Variants in PIWIL3 observed in about 807,000 individuals in gnomAD.
The protein encoded by PIWIL3 is piwi like RNA-mediated gene silencing 3, also known as piwi-like protein 3.
PIWIL3 carries 101 observed loss-of-function variants against 109.7 expected under a neutral mutation model. That is an observed-to-expected ratio of 0.92 (90% CI 0.78 to 1.09). PIWIL3 has a LOEUF of 1.09. Ranked by LOEUF, PIWIL3 falls within the 50% of genes least tolerant of loss-of-function variation. The probability of loss-of-function intolerance (pLI) is 0.00; values close to 1 mark genes in which losing one functional copy is unlikely to be tolerated. For missense variants in PIWIL3, 1,031 were observed against 1,072.6 expected (o/e 0.96, Z 0.54); for synonymous variants, 373 against 376.4 (o/e 0.99, Z 0.10).
chr22:24,771,661 T>C (rs1569115586), intron 1 of PIWIL3, among the ~76,000 whole-genome samples: 1 of 152,212 alleles, frequency 6.6e-6, no homozygotes, highest in African/African-American at 2.4e-5. Context: ...ATTTCAAAAG[T>C]TGCTATTCTA....
chr22:24,719,666 G>A (rs935083214), intron 20 of PIWIL3, 78 bp from the exon 21 acceptor site: 1 of 1,532,716 alleles, frequency 6.5e-7, no homozygotes, highest in South Asian at 1.2e-5. Flanking sequence ...ATTCATAGAA[G>A]CCAGTTCAGA....
At chr22:24,762,215 G>A in intron 2 of PIWIL3, 183 bp downstream of exon 2, 1 of 1,109,280 alleles carries the variant, frequency 9.0e-7, no homozygotes, top group Non-Finnish European at 1.2e-6. Flanking sequence ...GCAGTGGAGA[G>A]TACATCTGAG....
intron 9 of PIWIL3, among the ~76,000 whole-genome samples, chr22:24,750,663 T>A (rs1056315691): frequency 6.6e-6 from 1 of 150,618 alleles, no homozygotes; most frequent in Non-Finnish European, 1.5e-5. Flanking sequence ...TAATTTTGTA[T>A]TTTTAGTAGA....
At chr22:24,740,729 C>T (rs1489874983) in intron 12 of PIWIL3, among the ~76,000 whole-genome samples, 1 of 151,888 alleles carries the variant, frequency 6.6e-6, no homozygotes, top group East Asian at 1.9e-4. Context: ...GAAACAAACT[C>T]TGAACAGGCC....
chr22:24,772,952 C>G (rs955803458), intron 1 of PIWIL3, among the ~76,000 whole-genome samples: 3 of 152,208 alleles, frequency 2.0e-5, no homozygotes, highest in African/African-American at 7.2e-5. Flanking sequence ...CCTCCCCAGG[C>G]CTCCCTGGGT....
At chr22:24,756,423 G>A in intron 5 of PIWIL3, 68 bp downstream of exon 5, 1 of 1,418,642 alleles carries the variant, frequency 7.0e-7, no homozygotes, top group Non-Finnish European at 9.7e-7. Flanking sequence ...AAAACAATAG[G>A]TGTTTTATTA....
chr22:24,762,107 A>G, intron 2 of PIWIL3: 1 of 928,406 alleles, frequency 1.1e-6, no homozygotes, highest in Non-Finnish European at 1.4e-6. Context: ...TCACTTCCAA[A>G]GAGGAGTCAT....
chr22:24,756,843 G>GC (rs1359335500), intron 4 of PIWIL3, 138 bp from the exon 5 acceptor site: 6 of 704,382 alleles, frequency 8.5e-6, no homozygotes, highest in Non-Finnish European at 1.4e-5. Context: ...ACTCTGGGAG[G>GC]CCAAGGCGGG....
intron 1 of PIWIL3, among the ~76,000 whole-genome samples, chr22:24,770,924 G>A (rs1926102263): frequency 6.6e-6 from 1 of 151,698 alleles, no homozygotes; most frequent in Non-Finnish European, 1.5e-5. Context: ...CCCTACCTAG[G>A]GGGATGGTCT....
At chr22:24,726,584 G>A (rs1204122438) in intron 16 of PIWIL3, among the ~76,000 whole-genome samples, 2 of 152,078 alleles carry the variant, frequency 1.3e-5, no homozygotes, top group East Asian at 1.9e-4. Context: ...CGCACCCGGC[G>A]GTATTGGCTA....
rs747068905 is a variant in PIWIL3, at chr22:24,762,454, T to C, written c.46A>G (p.Arg16Gly). 4 of 1,613,990 alleles carry C rather than the reference T, an allele frequency of 2.5e-6. No individual in the cohort carries two copies. Among genetic ancestry groups the C allele is most frequent in the Admixed American group, 1.7e-5 (1 of 59,996 alleles). The stretch of plus-strand genomic sequence containing the variant: ...GGTGCCTCTTGTTGGTAGCTCTCCC[T>C]GCGGCGGGCTCTGCCTCGGGCGCGA... ...RTRARGRARR[R>G]ESYQQEAPGG... The change falls in exon 2 of 21, where the codon AGG becomes GGG. Residue 16 changes from arginine to glycine, a missense_variant. By Grantham distance (125) the Arg-to-Gly change is moderately radical. Coordinates refer to ENST00000616349, the MANE Select transcript of PIWIL3 (RefSeq NM_001255975.1).
At position 24,749,876 on chromosome 22, in the gene PIWIL3, C is replaced by A. The variant is rs997850884; in HGVS notation, c.1090-57G>T. On this transcript the variant is annotated intron_variant, in intron 9 of 20. Transcript: ENST00000616349. ...TCAGTGAAACCTTAGAAACATCACA[C>A]ACAGAGGTTCAAAAGTGCATGTGTG... is the stretch of plus-strand genomic sequence containing the variant. 128 of 1,612,898 alleles carry A rather than the reference C, an allele frequency of 7.9e-5. 2 individuals are homozygous for A. Among genetic ancestry groups the A allele is most frequent in the African/African-American group, 5.2e-4 (39 of 74,886 alleles).
At chr22:24,735,053 AT>A (rs1259685075) in intron 13 of PIWIL3, among the ~76,000 whole-genome samples, 1 of 152,144 alleles carries the variant, frequency 6.6e-6, no homozygotes, top group African/African-American at 2.4e-5. Flanking sequence ...AAATAAAAAA[AT>A]AAAAAAATAA....
rs182057669 is a variant in PIWIL3 at position 24,754,958 on chromosome 22, T to C, written c.693-94A>G. On this transcript the variant is annotated intron_variant, in intron 6 of 20. Coordinates refer to ENST00000616349, the MANE Select transcript of PIWIL3 (RefSeq NM_001255975.1). ...AAGGGAAAAAAAATCTGTCAATGAC[T>C]GTTTATATTATCAATGAACACAAAG... The C allele has an allele frequency of 1.0e-4, 100 of 967,082 alleles. No homozygotes were observed. The African/African-American group carries it at 1.2e-3, about 12-fold the overall frequency. The allele number at this position is 967,082 out of a possible 1,614,324, so 59.9% of individuals were successfully genotyped here.
chr22:24,751,556 C>T lies in PIWIL3; in HGVS notation c.978-58G>A, dbSNP rs569299559. On this transcript the variant is annotated intron_variant, in intron 8 of 20. Coordinates refer to ENST00000616349, the MANE Select transcript of PIWIL3 (RefSeq NM_001255975.1). ...CTTATTCATCACATGGAACCATCCA[C>T]ACAGAAAATAGACATTTTTAATCCT... 50 of 1,569,658 alleles carry T rather than the reference C, an allele frequency of 3.2e-5. No homozygotes were observed. The East Asian group carries it at 1.1e-3, about 33-fold the overall frequency.
intron 12 of PIWIL3, among the ~76,000 whole-genome samples, chr22:24,747,919 T>C (rs947194917): frequency 1.3e-5 from 2 of 152,146 alleles, no homozygotes; most frequent in African/African-American, 2.4e-5. Flanking sequence ...GTTGCAGCAA[T>C]CCCACTCCTA....
At chr22:24,726,967 T>C (rs1923036632) in intron 16 of PIWIL3, among the ~76,000 whole-genome samples, 1 of 152,170 alleles carries the variant, frequency 6.6e-6, no homozygotes, top group Admixed American at 6.5e-5. Flanking sequence ...GTTTCTACTC[T>C]GAGAACAGAA....
At chr22:24,743,935 G>A (rs541725606) in intron 12 of PIWIL3, among the ~76,000 whole-genome samples, 3 of 152,024 alleles carry the variant, frequency 2.0e-5, no homozygotes, top group Admixed American at 6.6e-5. Context: ...AAAAGAAGGG[G>A]TTATAAGACA....
At chr22:24,743,404 C>A (rs943357142) in intron 12 of PIWIL3, among the ~76,000 whole-genome samples, 2 of 152,214 alleles carry the variant, frequency 1.3e-5, no homozygotes, top group Non-Finnish European at 2.9e-5. Flanking sequence ...AAGTTTATAG[C>A]AGCACAGTTT....
Sources: allele counts gnomAD v4.1 joint callset (sites outside exome capture counted in the v4.1 genomes callset), GRCh38; gene constraint gnomAD v4.1.1; transcripts MANE v1.5; gene names NCBI Gene and HGNC (gene_info 2026-07-23, HGNC 2026-07-21).